NBPF9: variants seen among roughly 807,000 people sequenced by gnomAD.
NBPF9 encodes the protein NBPF family member NBPF9.
NBPF9 carries 91 observed loss-of-function variants against 97.8 expected under a neutral mutation model. That is an observed-to-expected ratio of 0.93 (90% CI 0.79 to 1.11). The LOEUF (loss-of-function observed/expected upper bound fraction) is 1.11, where lower values mean the gene tolerates loss of function less well. Ranked by LOEUF, NBPF9 falls within the 50% of genes least tolerant of loss-of-function variation. The probability of loss-of-function intolerance (pLI) is 0.00; values close to 1 mark genes in which losing one functional copy is unlikely to be tolerated. For synonymous variants in NBPF9, 334 were observed against 359.5 expected (o/e 0.93, Z 0.80); for missense variants, 992 against 939.5 (o/e 1.06, Z -0.73).
intron 11 of NBPF9, among the ~76,000 whole-genome samples, chr1:149,076,143 G>A (rs1553654267): frequency 2.0e-5 from 3 of 151,906 alleles, no homozygotes; most frequent in African/African-American, 7.2e-5. Flanking sequence ...CCCATGAGTG[G>A]CCAATGTTTC....
At chr1:149,054,072 C>T (rs1477662234) in exon 30 of NBPF9, 1 of 150,246 alleles carries the variant, frequency 6.7e-6, no homozygotes, top group Admixed American at 6.6e-5. Flanking sequence ...TCAGTACCCA[C>T]CAAAACCAAT....
At chr1:149,056,034 A>C (rs1333428191) in intron 29 of NBPF9, 135 bp from the exon 30 acceptor site, 2 of 1,564,832 alleles carry the variant, frequency 1.3e-6, no homozygotes, top group South Asian at 1.2e-5. Context: ...TAAAAAAAAA[A>C]ATTTATTGCC....
intron 15 of NBPF9, 61 bp from the exon 16 acceptor site, chr1:149,071,200 G>A: frequency 1.7e-6 from 2 of 1,164,166 alleles, no homozygotes; most frequent in Non-Finnish European, 2.5e-6. Context: ...TGGACCCCAG[G>A]GAGTCCTAGC....
chr1:149,064,071 C>A (rs1345843963), intron 19 of NBPF9, among the ~76,000 whole-genome samples: 1 of 137,112 alleles, frequency 7.3e-6, no homozygotes, highest in East Asian at 2.0e-4. Context: ...AGGTGACACA[C>A]TGATGAGGGA....
At chr1:149,086,913 C>T (rs587751096) in intron 5 of NBPF9, among the ~76,000 whole-genome samples, 1 of 151,166 alleles carries the variant, frequency 6.6e-6, no homozygotes. Flanking sequence ...AATGGAATGA[C>T]TGTCTATCTG....
At position 149,073,712 on chromosome 1, in the gene NBPF9, G is replaced by C; in HGVS notation, c.1091+56C>G. On this transcript the variant is annotated intron_variant, in intron 13 of 29. Coordinates refer to ENST00000584027, the Ensembl canonical transcript of NBPF9. ...TCTTACGTCTCCCCACCGAGCTGCTGTACTTCAGAGATTTACACACCTGCC... is the reference window on the plus strand; with the variant it reads ...TCTTACGTCTCCCCACCGAGCTGCTCTACTTCAGAGATTTACACACCTGCC... 3 of 1,366,092 alleles carry C rather than the reference G, an allele frequency of 2.2e-6. No individual in the cohort carries two copies. In the South Asian group the frequency reaches 3.5e-5, roughly 16 times the overall value. 84.6% of individuals were successfully genotyped at this position (1,366,092 alleles called of 1,614,324 possible).
At chr1:149,074,817 T>C (rs1184682877) in intron 12 of NBPF9, among the ~76,000 whole-genome samples, 3 of 151,206 alleles carry the variant, frequency 2.0e-5, no homozygotes, top group African/African-American at 7.3e-5. Context: ...ATCATTATTA[T>C]TATTATTATT....
intron 11 of NBPF9, among the ~76,000 whole-genome samples, chr1:149,076,744 C>A (rs369367192): frequency 2.8e-4 from 42 of 148,808 alleles, no homozygotes; most frequent in Non-Finnish European, 4.9e-4. Context: ...TCCTGACCTC[C>A]TGATCCACCC....
chr1:149,075,158 T>A (rs1301014412), intron 12 of NBPF9, among the ~76,000 whole-genome samples: 2 of 151,700 alleles, frequency 1.3e-5, no homozygotes, highest in African/African-American at 4.8e-5. Flanking sequence ...ACAGGTTCTA[T>A]TAGGAGTAGA....
At chr1:149,066,239 C>T (rs1441331355) in intron 17 of NBPF9, 1 of 109,152 alleles carries the variant, frequency 9.2e-6, no homozygotes, top group Admixed American at 8.0e-5. Flanking sequence ...ATAGGCAACA[C>T]CAAGAAATCC....
At chr1:149,062,677 T>G (rs1221127238) in intron 21 of NBPF9, among the ~76,000 whole-genome samples, 185 bp downstream of exon 21, 9 of 150,942 alleles carry the variant, frequency 6.0e-5, no homozygotes, top group African/African-American at 1.7e-4. Flanking sequence ...AGTAAGTTAG[T>G]AAATGATAAG....
At chr1:149,079,833 A>G (rs1413656665) in intron 8 of NBPF9, among the ~76,000 whole-genome samples, 1 of 152,230 alleles carries the variant, frequency 6.6e-6, no homozygotes, top group Non-Finnish European at 1.5e-5. Flanking sequence ...ATCAACAATT[A>G]CTTGTTTGAA....
intron 16 of NBPF9, among the ~76,000 whole-genome samples, chr1:149,070,528 C>G (rs2079320040): frequency 6.6e-6 from 1 of 150,774 alleles, no homozygotes; most frequent in Non-Finnish European, 1.5e-5. Context: ...AAGCTGAGAG[C>G]AGTGAAGCCT....
At chr1:149,059,378 T>C in intron 25 of NBPF9, 1 of 438,734 alleles carries the variant, frequency 2.3e-6, no homozygotes, top group South Asian at 2.6e-5. Flanking sequence ...CACTCTGAGT[T>C]CGTGCCCTCA....
At chr1:149,077,415 C>A in exon 11 of NBPF9, 1 of 1,609,534 alleles carries the variant, frequency 6.2e-7, no homozygotes. Context: ...GCCTTCTGCA[C>A]CTCCCTGATG....
chr1:149,072,354 A>C (rs2079481851), intron 14 of NBPF9, among the ~76,000 whole-genome samples: 1 of 152,202 alleles, frequency 6.6e-6, no homozygotes, highest in Non-Finnish European at 1.5e-5. Flanking sequence ...ACTCTCTGAC[A>C]GTAACTAAGA....
chr1:149,057,940 GT>G (rs1321521456), intron 27 of NBPF9, among the ~76,000 whole-genome samples: 2 of 32,654 alleles, frequency 6.1e-5, no homozygotes, highest in African/African-American at 8.8e-5. Flanking sequence ...TGAGAATACA[GT>G]TTTTGAAGTC....
At chr1:149,081,889 A>G in intron 7 of NBPF9, 76 bp downstream of exon 7, 1 of 955,872 alleles carries the variant, frequency 1.0e-6, no homozygotes, top group Non-Finnish European at 1.6e-6. Flanking sequence ...TTTTTGATGG[A>G]GAGAGCATTT....
At chr1:149,060,938 C>A in intron 23 of NBPF9, 1 of 412,452 alleles carries the variant, frequency 2.4e-6, no homozygotes, top group Non-Finnish European at 4.3e-6. Context: ...CACACACACA[C>A]AGAGAACGAG....
Sources: gnomAD v4.1 joint callset for allele counts (sites outside exome capture counted in the v4.1 genomes callset) on GRCh38, gnomAD v4.1.1 for gene constraint, MANE v1.5 for transcripts, NCBI Gene and HGNC (gene_info 2026-07-23, HGNC 2026-07-21) for gene names.